ADCY10: variants seen among roughly 807,000 people sequenced by gnomAD.
ADCY10 encodes adenylate cyclase 10.
In ADCY10, 156 loss-of-function variants were observed where a neutral mutation model predicts 183.3. The observed-to-expected ratio is 0.85, with a 90% CI of 0.75 to 0.97. The LOEUF is 0.97. Among genes scored for constraint, ADCY10 ranks in the 50% least tolerant of loss-of-function variants. ADCY10 has a pLI of 0.00. For missense variants in ADCY10, 1,745 were observed against 1,934.3 expected (o/e 0.90, Z 1.84); for synonymous variants, 645 against 670.0 (o/e 0.96, Z 0.58).
At chr1:167,844,473 C>T (rs1340690386) in intron 21 of ADCY10, among the ~76,000 whole-genome samples, 2 of 152,178 alleles carry the variant, frequency 1.3e-5, no homozygotes, top group African/African-American at 4.8e-5. Context: ...CAAGTATTAC[C>T]TAAAATCCAA....
chr1:167,910,066 G>A (rs780143112), intron 1 of ADCY10, among the ~76,000 whole-genome samples: 7 of 152,164 alleles, frequency 4.6e-5, no homozygotes, highest in African/African-American at 9.7e-5. Context: ...GCCAGGAACT[G>A]TTTCTTTGGG....
intron 25 of ADCY10, among the ~76,000 whole-genome samples, chr1:167,829,769 A>T (rs898686039): frequency 6.6e-6 from 1 of 152,242 alleles, no homozygotes; most frequent in African/African-American, 2.4e-5. Flanking sequence ...GAGTGGAATA[A>T]CTGACTCCAT....
chr1:167,883,697 C>T, intron 8 of ADCY10, 69 bp from the exon 9 acceptor site: 5 of 1,447,654 alleles, frequency 3.5e-6, no homozygotes, highest in Non-Finnish European at 4.8e-6. Context: ...ACCGCCCCCA[C>T]CTCATACCCG....
intron 19 of ADCY10, 78 bp from the exon 20 acceptor site, chr1:167,846,341 G>A (rs1665028358): frequency 6.5e-7 from 1 of 1,527,548 alleles, no homozygotes; most frequent in African/African-American, 1.4e-5. Flanking sequence ...TAGAGCAGGT[G>A]GACAACCATC....
At chr1:167,862,004 C>T (rs1192154345) in intron 14 of ADCY10, among the ~76,000 whole-genome samples, 1 of 152,184 alleles carries the variant, frequency 6.6e-6, no homozygotes, top group Non-Finnish European at 1.5e-5. Flanking sequence ...CCTGAGGCCT[C>T]CCTAGCCATG....
chr1:167,848,352 T>A lies in ADCY10; in HGVS notation c.2437+9A>T, dbSNP rs756413333. The A allele has an allele frequency of 2.5e-6, 4 of 1,612,558 alleles. No homozygotes were observed. In the South Asian group the frequency reaches 4.4e-5, roughly 18 times the overall value. The stretch of plus-strand genomic sequence containing the variant: ...GCGTGAGCCACTGCGCCCGGCCAGA[T>A]TTTCTTACCTTTTAATGACGTTGGA... On this transcript the variant is annotated intron_variant, in intron 19 of 32. Transcript: ENST00000367851.
intron 14 of ADCY10, among the ~76,000 whole-genome samples, chr1:167,863,135 AG>A (rs1194488638): frequency 6.6e-6 from 1 of 152,170 alleles, no homozygotes; most frequent in Non-Finnish European, 1.5e-5. Context: ...TACTCAGAAA[AG>A]GAAAGAAAAG....
intron 1 of ADCY10, among the ~76,000 whole-genome samples, chr1:167,912,872 T>A (rs1670240807): frequency 6.6e-6 from 1 of 152,190 alleles, no homozygotes; most frequent in South Asian, 2.1e-4. Flanking sequence ...TCTATAGATA[T>A]GAAAACTGAA....
chr1:167,820,068 C>G, intron 30 of ADCY10: 2 of 1,573,872 alleles, frequency 1.3e-6, no homozygotes, highest in South Asian at 1.1e-5. Context: ...CGTTACTCAT[C>G]CTTGAGATAA....
intron 18 of ADCY10, among the ~76,000 whole-genome samples, chr1:167,851,493 C>G (rs148497471): frequency 2.5e-3 from 384 of 152,214 alleles, no homozygotes; most frequent in Non-Finnish European, 4.4e-3. Flanking sequence ...GGCCAACACT[C>G]TCTCATATAA....
At chr1:167,888,237 T>C (rs1429934222) in intron 8 of ADCY10, among the ~76,000 whole-genome samples, 1 of 152,212 alleles carries the variant, frequency 6.6e-6, no homozygotes, top group East Asian at 1.9e-4. Flanking sequence ...TCTTTTTGCT[T>C]CAGATAGCTT....
rs758909831 is a variant in ADCY10 at position 167,878,636 on chromosome 1, C to G, written c.1217-1G>C. Reference sequence around the variant, plus strand: ...GCTAAGTTGACTTTTTGACCAATGACTATAGCAAGAAAGAGAAAGTCAAAG... The same window carrying G: ...GCTAAGTTGACTTTTTGACCAATGAGTATAGCAAGAAAGAGAAAGTCAAAG... On this transcript the variant is annotated splice_acceptor_variant, in intron 11 of 32. Transcript: ENST00000367851. LOFTEE classifies it high-confidence loss of function. 2 of 1,613,616 alleles carry G rather than the reference C, an allele frequency of 1.2e-6. No individual in the cohort carries two copies. Among genetic ancestry groups the G allele is most frequent in the Non-Finnish European group, 1.7e-6 (2 of 1,179,856 alleles).
At chr1:167,818,297 C>A in intron 30 of ADCY10, 30 bp from the exon 31 acceptor site, 2 of 1,586,232 alleles carry the variant, frequency 1.3e-6, no homozygotes, top group South Asian at 2.2e-5. Flanking sequence ...TAAGAAAAAT[C>A]AGTATCACCC....
chr1:167,870,869 T>C (rs77123494), intron 13 of ADCY10, among the ~76,000 whole-genome samples: 2,634 of 152,124 alleles, frequency 0.017, 31 homozygotes, highest in East Asian at 0.067. Flanking sequence ...TCAAGCCTTA[T>C]GCACTTTCAA....
intron 12 of ADCY10, among the ~76,000 whole-genome samples, chr1:167,877,418 C>T (rs1310542331): frequency 4.0e-5 from 6 of 151,666 alleles, no homozygotes; most frequent in African/African-American, 1.5e-4. Context: ...AATAAAGACA[C>T]CTTGACCCAA....
intron 17 of ADCY10, among the ~76,000 whole-genome samples, chr1:167,855,431 C>A (rs1475746200): frequency 6.6e-6 from 1 of 152,204 alleles, no homozygotes; most frequent in Non-Finnish European, 1.5e-5. Flanking sequence ...CTTTCCACAT[C>A]TGCCATAGAC....
chr1:167,899,631 G>A lies in ADCY10; in HGVS notation c.437-3C>T, dbSNP rs775703853. On this transcript the variant is annotated splice_region_variant and splice_polypyrimidine_tract_variant and intron_variant, in intron 5 of 32. Coordinates refer to ENST00000367851, the MANE Select transcript of ADCY10 (RefSeq NM_018417.6). ...GCTGATGTGGCCAGCAGCCAGTCCTGGCAAGAAGGCAAGGAATAGGTTTGC... is the reference window on the plus strand; with the variant it reads ...GCTGATGTGGCCAGCAGCCAGTCCTAGCAAGAAGGCAAGGAATAGGTTTGC... 1 of 1,613,538 alleles carries A rather than the reference G, an allele frequency of 6.2e-7. No homozygotes were observed. The highest frequency in any genetic ancestry group is 1.7e-5 in the Admixed American group (1 of 60,024).
intron 21 of ADCY10, among the ~76,000 whole-genome samples, chr1:167,838,417 G>A (rs1371337705): frequency 2.6e-5 from 4 of 152,118 alleles, no homozygotes; most frequent in African/African-American, 9.7e-5. Flanking sequence ...ACATCCAAAG[G>A]CTACATCTTT....
At chr1:167,859,721 G>T (rs1666155640) in intron 16 of ADCY10, 86 bp downstream of exon 16, 1 of 958,590 alleles carries the variant, frequency 1.0e-6, no homozygotes, top group Non-Finnish European at 1.7e-6. Flanking sequence ...TCTTGCCAAT[G>T]TGGTCTGAAC....
Sources: gnomAD v4.1 joint callset for allele counts (sites outside exome capture counted in the v4.1 genomes callset) on GRCh38, gnomAD v4.1.1 for gene constraint, MANE v1.5 for transcripts, NCBI Gene and HGNC (gene_info 2026-07-23, HGNC 2026-07-21) for gene names.